Variants in PARD3 observed in about 807,000 individuals in gnomAD.
PARD3 encodes partitioning defective 3 homolog.
Under a neutral mutation model 155.4 loss-of-function variants are expected in PARD3, and 75 were observed. That is an observed-to-expected ratio of 0.48 (90% CI 0.40 to 0.58). The LOEUF (loss-of-function observed/expected upper bound fraction) is 0.58. Among genes scored for constraint, PARD3 ranks in the 20% least tolerant of loss-of-function variants. The pLI is 0.00. For synonymous variants in PARD3, 576 were observed against 610.5 expected (o/e 0.94, Z 0.83); for missense variants, 1,642 against 1,721.7 (o/e 0.95, Z 0.82).
intron 22 of PARD3, among the ~76,000 whole-genome samples, chr10:34,207,012 C>T (rs1461625980): frequency 6.6e-6 from 1 of 152,180 alleles, no homozygotes; most frequent in Non-Finnish European, 1.5e-5. Flanking sequence ...AAGCACCTAG[C>T]TGTCACTGTG....
At chr10:34,301,014 A>AGGATT (rs3039313) in intron 20 of PARD3, among the ~76,000 whole-genome samples, 11,254 of 152,270 alleles carry the variant, frequency 0.074, 564 homozygotes, top group Non-Finnish European at 0.1. Flanking sequence ...ATCTGCAATT[A>AGGATT]GGATTCACTT....
At chr10:34,523,871 T>C (rs956087743) in intron 2 of PARD3, among the ~76,000 whole-genome samples, 1 of 152,238 alleles carries the variant, frequency 6.6e-6, no homozygotes, top group Non-Finnish European at 1.5e-5. Context: ...CCATAGTTTA[T>C]AAATTATAGA....
chr10:34,131,841 A>C (rs1359227148), intron 22 of PARD3, among the ~76,000 whole-genome samples: 4 of 152,082 alleles, frequency 2.6e-5, no homozygotes. Flanking sequence ...GTTCTTTAAA[A>C]GTTTCATTTC....
chr10:34,788,785 G>A (rs1841298769), intron 1 of PARD3, among the ~76,000 whole-genome samples: 1 of 152,072 alleles, frequency 6.6e-6, no homozygotes, highest in Non-Finnish European at 1.5e-5. Context: ...CTGCAGTCCT[G>A]GGCCCAGCCA....
chr10:34,353,741 AAAT>A (rs1200352574), intron 14 of PARD3, among the ~76,000 whole-genome samples: 5 of 151,128 alleles, frequency 3.3e-5, no homozygotes, highest in Non-Finnish European at 7.4e-5. Context: ...ATAAATAAAT[AAAT>A]AAATAAAATA....
chr10:34,587,665 G>A (rs1158536130), intron 2 of PARD3, among the ~76,000 whole-genome samples: 1 of 151,972 alleles, frequency 6.6e-6, no homozygotes, highest in Admixed American at 6.5e-5. Context: ...TAGACACCAA[G>A]ATATCTACAG....
intron 3 of PARD3, among the ~76,000 whole-genome samples, chr10:34,474,762 T>C (rs1307561297): frequency 6.6e-6 from 1 of 152,260 alleles, no homozygotes; most frequent in Non-Finnish European, 1.5e-5. Flanking sequence ...GTTCCATTCC[T>C]AGCTACCTGT....
At chr10:34,609,575 C>T (rs1038054186) in intron 2 of PARD3, among the ~76,000 whole-genome samples, 3 of 152,164 alleles carry the variant, frequency 2.0e-5, no homozygotes, top group African/African-American at 7.2e-5. Flanking sequence ...CAAGGTCTCC[C>T]TTTGTCACCC....
chr10:34,684,102 T>C (rs2093898159), intron 2 of PARD3, among the ~76,000 whole-genome samples: 1 of 152,220 alleles, frequency 6.6e-6, no homozygotes, highest in Non-Finnish European at 1.5e-5. Flanking sequence ...CCTATGCCAA[T>C]TCATACTAAA....
intron 2 of PARD3, among the ~76,000 whole-genome samples, chr10:34,600,874 C>T (rs146994058): frequency 6.6e-6 from 1 of 151,954 alleles, no homozygotes; most frequent in African/African-American, 2.4e-5. Context: ...GCAGGCTTGA[C>T]CTCTCAAGCT....
At chr10:34,185,843 A>T (rs1950467477) in intron 22 of PARD3, among the ~76,000 whole-genome samples, 1 of 139,198 alleles carries the variant, frequency 7.2e-6, no homozygotes, top group Non-Finnish European at 1.5e-5. Flanking sequence ...ATATTATATT[A>T]TATTATATTA....
intron 2 of PARD3, among the ~76,000 whole-genome samples, chr10:34,517,489 A>AGT (rs1216331784): frequency 1.3e-5 from 2 of 152,324 alleles, no homozygotes; most frequent in East Asian, 1.9e-4. Flanking sequence ...AAAATGCAAA[A>AGT]GTGTGTATAT....
At chr10:34,505,870 C>T (rs549851921) in intron 3 of PARD3, among the ~76,000 whole-genome samples, 29 of 152,146 alleles carry the variant, frequency 1.9e-4, no homozygotes, top group East Asian at 9.6e-4. Context: ...TGGTAGCTCA[C>T]GCTTATAATC....
chr10:34,706,443 C>G (rs1370214258), intron 1 of PARD3, among the ~76,000 whole-genome samples: 2 of 152,168 alleles, frequency 1.3e-5, no homozygotes, highest in African/African-American at 2.4e-5. Context: ...TTTGTTAATA[C>G]AGTACATAAA....
intron 2 of PARD3, among the ~76,000 whole-genome samples, chr10:34,571,166 G>A (rs2086363842): frequency 6.6e-6 from 1 of 152,084 alleles, no homozygotes; most frequent in African/African-American, 2.4e-5. Context: ...GTAAAAATTA[G>A]CTGGGGGTAG....
intron 2 of PARD3, among the ~76,000 whole-genome samples, chr10:34,695,703 C>A (rs374323591): frequency 6.6e-6 from 1 of 152,150 alleles, no homozygotes. Flanking sequence ...TGGGGAAGCA[C>A]ACACAGAGCA....
intron 2 of PARD3, among the ~76,000 whole-genome samples, chr10:34,641,057 A>C (rs888639392): frequency 4.6e-5 from 7 of 152,210 alleles, no homozygotes; most frequent in Non-Finnish European, 1.0e-4. Flanking sequence ...AAACATTTAC[A>C]ATTTCCAGAA....
intron 22 of PARD3, among the ~76,000 whole-genome samples, chr10:34,256,582 G>A (rs1028870945): frequency 6.6e-6 from 1 of 152,156 alleles, no homozygotes; most frequent in Non-Finnish European, 1.5e-5. Context: ...CTCACCAAAA[G>A]GAATCACCTT....
intron 1 of PARD3, among the ~76,000 whole-genome samples, chr10:34,803,867 G>A (rs1244035763): frequency 6.6e-6 from 1 of 152,014 alleles, no homozygotes; most frequent in East Asian, 1.9e-4. Flanking sequence ...AGCATTGCAA[G>A]TTTCCTTGGA....
Sources: allele counts gnomAD v4.1 joint callset (sites outside exome capture counted in the v4.1 genomes callset), GRCh38; gene constraint gnomAD v4.1.1; transcripts MANE v1.5; gene names NCBI Gene and HGNC (gene_info 2026-07-23, HGNC 2026-07-21).